The following RALYL variants were observed in gnomAD, a reference collection of about 807,000 sequenced individuals.
RALYL encodes the protein RALY RNA binding protein like.
RALYL carries 29 observed loss-of-function variants against 35.1 expected under a neutral mutation model. The observed-to-expected ratio is 0.83, with a 90% CI of 0.61 to 1.13. The LOEUF (loss-of-function observed/expected upper bound fraction) is 1.13, where lower values mean the gene tolerates loss of function less well. Among genes scored for constraint, RALYL ranks in the 50% most tolerant of loss-of-function variants. RALYL has a pLI of 0.00. For missense variants in RALYL, 359 were observed against 360.4 expected, an observed-to-expected ratio of 1.00 and a Z score of 0.03; for synonymous variants, 120 against 127.6, an observed-to-expected ratio of 0.94 and a Z score of 0.40.
chr8:84,292,090 A>G (rs1446106094), intron 1 of RALYL, among the ~76,000 whole-genome samples: 1 of 152,042 alleles, frequency 6.6e-6, no homozygotes, highest in Admixed American at 6.6e-5. Context: ...AGAAAAATAG[A>G]TAACTGAATT....
At chr8:84,730,135 A>G (rs1389481850) in intron 2 of RALYL, among the ~76,000 whole-genome samples, 3 of 152,026 alleles carry the variant, frequency 2.0e-5, no homozygotes, top group Non-Finnish European at 2.9e-5. Flanking sequence ...AAAATCCTCA[A>G]TAAAATACTG....
rs984230705 is a variant in RALYL, at chr8:84,205,404, G to T, written c.-24+20980G>T. Among the ~76,000 whole-genome samples, 6 of 152,092 alleles carry T rather than the reference G, an allele frequency of 3.9e-5. No homozygotes were observed. In the South Asian group the frequency reaches 1.2e-3, roughly 32 times the overall value. On this transcript the variant is annotated intron_variant, in intron 1 of 8. Transcript: ENST00000521268. ...CTGCATGAAACCCTTTTCTGTTCAG[G>T]ATTTAAGCAGTGATCTATTTAAGTT...
chr8:84,402,162 T>G (rs2042984289), intron 1 of RALYL, among the ~76,000 whole-genome samples: 1 of 152,192 alleles, frequency 6.6e-6, no homozygotes, highest in African/African-American at 2.4e-5. Flanking sequence ...TGTTTTGTTT[T>G]ATTTAAATTA....
intron 2 of RALYL, among the ~76,000 whole-genome samples, chr8:84,725,181 G>T (rs1011126537): frequency 3.3e-5 from 5 of 151,558 alleles, no homozygotes; most frequent in African/African-American, 1.2e-4. Context: ...TGTCAAAAAA[G>T]TCATTTTGAT....
At chr8:84,658,862 A>G (rs1466081286) in intron 2 of RALYL, among the ~76,000 whole-genome samples, 1 of 152,116 alleles carries the variant, frequency 6.6e-6, no homozygotes, top group Non-Finnish European at 1.5e-5. Flanking sequence ...ATATTAAGCC[A>G]AATTCTCCTT....
intron 2 of RALYL, among the ~76,000 whole-genome samples, chr8:84,541,904 C>A (rs2060039304): frequency 6.6e-6 from 1 of 152,004 alleles, no homozygotes; most frequent in Non-Finnish European, 1.5e-5. Context: ...TATGGTATAT[C>A]ATTTTTCATC....
chr8:84,195,322 C>T (rs977891565), intron 1 of RALYL, among the ~76,000 whole-genome samples: 1 of 152,056 alleles, frequency 6.6e-6, no homozygotes, highest in African/African-American at 2.4e-5. Context: ...CGCCTGTAGT[C>T]CCAGCTACTC....
chr8:84,714,236 G>A lies in RALYL; in HGVS notation c.257-60343G>A, dbSNP rs148568357. Among the ~76,000 whole-genome samples, 24 of 151,942 alleles carry A rather than the reference G, an allele frequency of 1.6e-4. No individual in the cohort carries two copies. The South Asian group carries it at 3.3e-3, about 21-fold the overall frequency. On this transcript the variant is annotated intron_variant, in intron 2 of 8. Coordinates refer to ENST00000521268, the MANE Select transcript of RALYL (RefSeq NM_173848.7). ...AACAGAAGCAGAGAGTAGAATGGGG[G>A]TTACCAGAGGTTAGGTGGACAGGAA... is the stretch of plus-strand genomic sequence containing the variant.
chr8:84,635,550 C>T (rs1385466754), intron 2 of RALYL, among the ~76,000 whole-genome samples: 1 of 151,632 alleles, frequency 6.6e-6, no homozygotes, highest in East Asian at 2.0e-4. Flanking sequence ...ACATTACATT[C>T]AGCTTTTTGA....
At chr8:84,846,037 A>G (rs533299254) in intron 4 of RALYL, among the ~76,000 whole-genome samples, 3 of 152,266 alleles carry the variant, frequency 2.0e-5, no homozygotes, top group African/African-American at 7.2e-5. Context: ...TGGTTACCGT[A>G]GCCTTGTAGT....
Position 84,921,193 on chromosome 8 carries a change from A to G in RALYL, c.*282A>G, listed in dbSNP as rs550898948. ...CTTAAAATGTGAAAGGCATTTATGA[A>G]TGGTAAGGGAAACACTATATACAAA... On this transcript the variant is annotated 3_prime_UTR_variant, in exon 9 of 9. Transcript: ENST00000521268. The G allele has an allele frequency of 7.2e-4, 194 of 270,508 alleles. No homozygotes were observed. The highest frequency in any genetic ancestry group is 4.1e-3 in the African/African-American group (184 of 45,322). The allele number at this position is 270,508 out of a possible 1,614,324, so 16.8% of individuals were successfully genotyped here. A position where few individuals can be genotyped will look rare whatever the true frequency, so the allele number is the denominator to read the frequency against.
In RALYL at chr8:84,351,261, TTAAG is replaced by T. The variant is rs576905800; in HGVS notation, c.-24+166840_-24+166843del. Among the ~76,000 whole-genome samples, 315 of 150,336 alleles carry T rather than the reference TTAAG, an allele frequency of 2.1e-3. 21 individuals are homozygous for T. The highest frequency in any genetic ancestry group is 7.6e-3 in the African/African-American group (307 of 40,458). ...TAAACTGATCAATAAGAGGAAAACT[TTAAG>T]TATTCTCATATATTACTTTTCTGAA... is the stretch of plus-strand genomic sequence containing the variant. On this transcript the variant is annotated intron_variant, in intron 1 of 8. Transcript: ENST00000521268.
At chr8:84,338,558 G>A (rs1848237590) in intron 1 of RALYL, among the ~76,000 whole-genome samples, 1 of 151,692 alleles carries the variant, frequency 6.6e-6, no homozygotes, top group South Asian at 2.1e-4. Context: ...TATATTAAGA[G>A]CTCTCTTAAA....
chr8:84,462,600 C>CTT (rs754020253), intron 1 of RALYL, among the ~76,000 whole-genome samples: 1,845 of 102,972 alleles, frequency 0.018, 19 homozygotes, highest in Middle Eastern at 0.043. Flanking sequence ...TATCTAGATT[C>CTT]ATTTTTTTTT....
intron 2 of RALYL, among the ~76,000 whole-genome samples, chr8:84,575,347 CTT>C (rs368930019): frequency 5.3e-4 from 81 of 151,414 alleles, no homozygotes; most frequent in African/African-American, 1.3e-3. Flanking sequence ...TTAAACATAA[CTT>C]AAGATAATTT....
intron 2 of RALYL, among the ~76,000 whole-genome samples, chr8:84,645,516 C>A (rs1827298873): frequency 6.6e-6 from 1 of 151,894 alleles, no homozygotes; most frequent in Non-Finnish European, 1.5e-5. Context: ...TTTCCTTTCT[C>A]CTTTTCCATG....
intron 3 of RALYL, among the ~76,000 whole-genome samples, chr8:84,804,434 G>A (rs1360859307): frequency 6.6e-6 from 1 of 152,108 alleles, no homozygotes; most frequent in Non-Finnish European, 1.5e-5. Context: ...TAGATATATA[G>A]AAACGTCTAC....
chr8:84,809,929 C>T (rs1825537802), intron 4 of RALYL, among the ~76,000 whole-genome samples: 1 of 152,038 alleles, frequency 6.6e-6, no homozygotes, highest in Admixed American at 6.6e-5. Context: ...TTTCAAAGAA[C>T]CAGCTTTTTG....
intron 2 of RALYL, among the ~76,000 whole-genome samples, chr8:84,643,479 C>G (rs1283517045): frequency 2.0e-5 from 3 of 152,042 alleles, no homozygotes; most frequent in African/African-American, 7.2e-5. Context: ...ATCCACAAGA[C>G]AAAAGCATCT....
Sources: gnomAD v4.1 joint callset for allele counts (sites outside exome capture counted in the v4.1 genomes callset) on GRCh38, gnomAD v4.1.1 for gene constraint, MANE v1.5 for transcripts, NCBI Gene and HGNC (gene_info 2026-07-23, HGNC 2026-07-21) for gene names.